Variants in CEACAM3 observed in about 807,000 individuals in gnomAD.
CEACAM3 encodes cell adhesion molecule CEACAM3.
A neutral mutation model predicts 30.1 loss-of-function variants in CEACAM3; 32 were observed. The ratio of observed to expected loss-of-function variants is 1.06; its 90% CI spans 0.80 to 1.43. The LOEUF is 1.43. Ranked by LOEUF, CEACAM3 falls within the 40% of genes most tolerant of loss-of-function variation. The pLI is 0.00. For missense variants in CEACAM3, 290 were observed against 316.3 expected (o/e 0.92, Z 0.63); for synonymous variants, 134 against 127.2 (o/e 1.05, Z -0.36).
At chr19:41,797,560 A>G in intron 1 of CEACAM3, 29 bp from the exon 2 acceptor site, 1 of 1,598,016 alleles carries the variant, frequency 6.3e-7, no homozygotes, top group Non-Finnish European at 8.5e-7. Context: ...CATGGGTCCC[A>G]ATATTGACTG....
At chr19:41,805,995 G>GTTTTT (rs201681891) in intron 2 of CEACAM3, among the ~76,000 whole-genome samples, 21 of 138,796 alleles carry the variant, frequency 1.5e-4, no homozygotes, top group African/African-American at 6.4e-4. Context: ...TACTCTTCCT[G>GTTTTT]TTGTTGTTGT....
Position 41,796,750 on chromosome 19 carries a change from A to T in CEACAM3, c.64+9A>T. The T allele has an allele frequency of 6.2e-7, 1 of 1,610,462 alleles. No homozygotes were observed. The highest frequency in any genetic ancestry group is 1.1e-5 in the South Asian group (1 of 90,712). On this transcript the variant is annotated intron_variant, in intron 1 of 6. Transcript: ENST00000357396. ...GGGGCTTCTGCTCACAGGTGAGTGG[A>T]GGATTCCTGGGAGTGGGCAAGAGGA... is the stretch of plus-strand genomic sequence containing the variant.
chr19:41,800,935 C>T (rs2073141456), intron 2 of CEACAM3, among the ~76,000 whole-genome samples: 1 of 152,114 alleles, frequency 6.6e-6, no homozygotes, highest in Admixed American at 6.5e-5. Flanking sequence ...TTCATTTCTA[C>T]ACTCTCTCGT....
chr19:41,809,019 G>T, intron 3 of CEACAM3, 89 bp downstream of exon 3: 1 of 910,626 alleles, frequency 1.1e-6, no homozygotes, highest in South Asian at 1.8e-5. Flanking sequence ...TCAGGGCCAG[G>T]CTCTCCACGG....
intron 2 of CEACAM3, among the ~76,000 whole-genome samples, chr19:41,798,667 G>A (rs1555825622): frequency 6.6e-6 from 1 of 152,242 alleles, no homozygotes; most frequent in African/African-American, 2.4e-5. Flanking sequence ...AAAAAGAAGA[G>A]AGAAGATGCT....
Position 41,797,632 on chromosome 19 carries a change from C to T in CEACAM3, c.108C>T (p.Leu36=), listed in dbSNP as rs781950138. Residue 36 remains leucine (L), a synonymous_variant, in exon 2 of 7, where the codon CTC becomes CTT. Coordinates refer to ENST00000357396, the MANE Select transcript of CEACAM3 (RefSeq NM_001815.5). The part of the protein sequence containing the change: ...NFWNPPTTAK[L]TIESMPLSVA... The stretch of plus-strand genomic sequence containing the variant: ...GGAACCCGCCCACCACTGCCAAGCT[C>T]ACTATTGAATCCATGCCGCTCAGTG... 4.3e-6 allele frequency: 7 copies of T among 1,614,148 alleles called. No homozygotes were observed. In the Admixed American group the frequency reaches 1.0e-4, roughly 23 times the overall value.
chr19:41,796,824 T>G lies in CEACAM3; in HGVS notation c.64+83T>G, dbSNP rs528149788. 4.3e-5 allele frequency: 63 copies of G among 1,449,084 alleles called. No individual in the cohort carries two copies. The East Asian group carries it at 1.4e-3, about 32-fold the overall frequency. The allele number at this position is 1,449,084 out of a possible 1,614,324, so 89.8% of individuals were successfully genotyped here. A position where few individuals can be genotyped will look rare whatever the true frequency, so the allele number is the denominator to read the frequency against. On this transcript the variant is annotated intron_variant, in intron 1 of 6. Transcript: ENST00000357396. Reference sequence around the variant, plus strand: ...TCTCCTGGGGAGGATGGGGCTCTGATAGGGGACAGAAGGCTTCTGCTGAAG... The same window carrying G: ...TCTCCTGGGGAGGATGGGGCTCTGAGAGGGGACAGAAGGCTTCTGCTGAAG...
chr19:41,806,261 C>G (rs2073199051), intron 2 of CEACAM3, among the ~76,000 whole-genome samples: 1 of 152,150 alleles, frequency 6.6e-6, no homozygotes, highest in African/African-American at 2.4e-5. Context: ...AACTCCTGAC[C>G]TCAGGTGATC....
At position 41,811,406 on chromosome 19, in the gene CEACAM3, C is replaced by T; in HGVS notation, c.*169C>T. 1.6e-6 allele frequency: 1 copy of T among 624,780 alleles called. No homozygotes were observed. Among genetic ancestry groups the T allele is most frequent in the Non-Finnish European group, 2.8e-6 (1 of 351,542 alleles). 38.7% of individuals were successfully genotyped at this position (624,780 alleles called of 1,614,324 possible). On this transcript the variant is annotated 3_prime_UTR_variant, in exon 7 of 7. Transcript: ENST00000357396. Reference sequence around the variant, plus strand: ...GGGGTCCCTGATGAATATCTGGAGACCTCGACAGCCTGCCCTAGGCCCTGG... The same window carrying T: ...GGGGTCCCTGATGAATATCTGGAGATCTCGACAGCCTGCCCTAGGCCCTGG...
At position 41,807,659 on chromosome 19, in the gene CEACAM3, C is replaced by T. The variant is rs528124382; in HGVS notation, c.425-1154C>T. 206 of 1,169,554 alleles carry T rather than the reference C, an allele frequency of 1.8e-4. No individual in the cohort carries two copies. In the African/African-American group the frequency reaches 3.1e-3, roughly 18 times the overall value. The allele number at this position is 1,169,554 out of a possible 1,614,324, so 72.4% of individuals were successfully genotyped here. A position where few individuals can be genotyped will look rare whatever the true frequency, so the allele number is the denominator to read the frequency against. The stretch of plus-strand genomic sequence containing the variant: ...CAGACTCAGTGGACAGATTGGGTTT[C>T]GTTAGGACTTCAAGGTTGTGACTTG... On this transcript the variant is annotated intron_variant, in intron 2 of 6. Coordinates refer to ENST00000357396, the MANE Select transcript of CEACAM3 (RefSeq NM_001815.5).
At chr19:41,802,449 C>G (rs1304073832) in intron 2 of CEACAM3, among the ~76,000 whole-genome samples, 2 of 152,216 alleles carry the variant, frequency 1.3e-5, no homozygotes, top group African/African-American at 4.8e-5. Context: ...GAGCAGCACA[C>G]CTCACCTGGG....
At chr19:41,806,005 T>TTTG (rs1174523555) in intron 2 of CEACAM3, among the ~76,000 whole-genome samples, 194 of 43,450 alleles carry the variant, frequency 4.5e-3, no homozygotes, top group Non-Finnish European at 5.4e-3. Flanking sequence ...GTTGTTGTTG[T>TTTG]TTGTTGTTGT....
In CEACAM3 at chr19:41,797,648, C is replaced by A. The variant is rs782553313; in HGVS notation, c.124C>A (p.Pro42Thr). The A allele has an allele frequency of 1.9e-6, 3 of 1,614,004 alleles. No individual in the cohort carries two copies. The African/African-American group carries it at 4.0e-5, about 22-fold the overall frequency. The change falls in exon 2 of 7, where the codon CCG becomes ACG. Residue 42 changes from proline (P) to threonine (T), a missense_variant. Transcript: ENST00000357396. ...TTAKLTIESM[P>T]LSVAEGKEVL... is the part of the protein sequence containing the mutation. The stretch of plus-strand genomic sequence containing the variant: ...TGCCAAGCTCACTATTGAATCCATG[C>A]CGCTCAGTGTCGCAGAGGGGAAGGA...
chr19:41,810,577 C>A lies in CEACAM3; in HGVS notation c.627+223C>A, dbSNP rs116256605. Among the ~76,000 whole-genome samples, 240 of 152,244 alleles carry A rather than the reference C, an allele frequency of 1.6e-3. 1 individual carries two copies. Among genetic ancestry groups the A allele is most frequent in the African/African-American group, 5.7e-3 (238 of 41,544 alleles). On this transcript the variant is annotated intron_variant, in intron 5 of 6. Coordinates refer to ENST00000357396, the MANE Select transcript of CEACAM3 (RefSeq NM_001815.5). ...CGGGACCCTCCATCACCTGAGGAGA[C>A]CCCTGGAGTGCAGCAGGTGCAGAGT... is the stretch of plus-strand genomic sequence containing the variant.
intron 2 of CEACAM3, among the ~76,000 whole-genome samples, 180 bp from the exon 3 acceptor site, chr19:41,808,633 G>A (rs1420950147): frequency 1.3e-5 from 2 of 152,214 alleles, no homozygotes; most frequent in East Asian, 3.8e-4. Context: ...TGTCAAGCCT[G>A]CAGAAAATGG....
At chr19:41,800,749 C>T (rs1486919515) in intron 2 of CEACAM3, among the ~76,000 whole-genome samples, 2 of 152,190 alleles carry the variant, frequency 1.3e-5, no homozygotes, top group Non-Finnish European at 1.5e-5. Flanking sequence ...ACATGACCCA[C>T]GTGACCTTAC....
intron 2 of CEACAM3, among the ~76,000 whole-genome samples, chr19:41,799,145 C>A (rs1407380409): frequency 6.6e-6 from 1 of 152,180 alleles, no homozygotes; most frequent in Non-Finnish European, 1.5e-5. Flanking sequence ...TTTATCCTCT[C>A]CAAATCTCAT....
chr19:41,807,496 C>G (rs2073212975), intron 2 of CEACAM3: 1 of 1,415,742 alleles, frequency 7.1e-7, no homozygotes, highest in Non-Finnish European at 9.4e-7. Context: ...CTCACCCAGG[C>G]TGGCCATCAC....
intron 2 of CEACAM3, among the ~76,000 whole-genome samples, chr19:41,799,895 C>T (rs892875489): frequency 6.6e-6 from 1 of 152,096 alleles, no homozygotes; most frequent in Admixed American, 6.6e-5. Flanking sequence ...CCTCTAACCC[C>T]TGCCCCTAAA....
Sources: gnomAD v4.1 joint callset for allele counts (sites outside exome capture counted in the v4.1 genomes callset) on GRCh38, gnomAD v4.1.1 for gene constraint, MANE v1.5 for transcripts, NCBI Gene and HGNC (gene_info 2026-07-23, HGNC 2026-07-21) for gene names.